The following RPL31 variants were observed in gnomAD, a reference collection of about 807,000 sequenced individuals.
RPL31 encodes the protein ribosomal protein L31.
For missense variants in RPL31, 95 were observed against 164.0 expected (o/e 0.58, Z 2.30); for synonymous variants, 51 against 55.0 (o/e 0.93, Z 0.32).
downstream of RPL31, among the ~76,000 whole-genome samples, chr2:101,009,406 CA>C (rs70943054): frequency 1.7e-3 from 165 of 97,736 alleles, no homozygotes; most frequent in Middle Eastern, 4.6e-3. Context: ...ACTCTGTCTC[CA>C]AAAAAAAAAA....
Position 101,018,219 on chromosome 2 carries a change from C to T in RPL31, c.347-779C>T, listed in dbSNP as rs907005449. 5 of 276,102 alleles carry T rather than the reference C, an allele frequency of 1.8e-5. No homozygotes were observed. In the East Asian group the frequency reaches 3.3e-4, roughly 18 times the overall value. The allele number at this position is 276,102 out of a possible 1,614,324, so 17.1% of individuals were successfully genotyped here. A position where few individuals can be genotyped will look rare whatever the true frequency, so the allele number is the denominator to read the frequency against. On this transcript the variant is annotated intron_variant, in intron 4 of 4. Transcript: ENST00000409028. ...AAATTATAACACTGACTAAACATCA[C>T]TAATGAAACATTTGTGACCTCCTTT...
At chr2:101,011,071 C>T, downstream of RPL31, 1 of 1,577,074 alleles carries the variant, frequency 6.3e-7, no homozygotes. Context: ...TAAATAAATT[C>T]AGTGACAGCA....
At chr2:101,011,664 T>C, downstream of RPL31, 1 of 961,018 alleles carries the variant, frequency 1.0e-6, no homozygotes, top group Non-Finnish European at 1.6e-6. Context: ...CTGTAGTTTT[T>C]GCAGGGTCCA....
chr2:101,017,844 G>T, intron 4 of RPL31: 1 of 1,550,586 alleles, frequency 6.4e-7, no homozygotes, highest in Non-Finnish European at 8.7e-7. Context: ...GCAGCTACAT[G>T]CAATTCCCAA....
chr2:101,007,719 G>T, downstream of RPL31: 1 of 1,232,542 alleles, frequency 8.1e-7, no homozygotes, highest in African/African-American at 1.5e-5. Context: ...ATGCCCCATT[G>T]GTAAGGTAGA....
downstream of RPL31, chr2:101,008,033 G>C: frequency 6.2e-7 from 1 of 1,613,938 alleles, no homozygotes. Flanking sequence ...GGAAATGCCT[G>C]GGAGTCCTGG....
intron 1 of RPL31, 176 bp downstream of exon 1, chr2:101,002,491 C>A: frequency 1.6e-6 from 1 of 606,228 alleles, no homozygotes. Flanking sequence ...AGTGACCAGG[C>A]TTAGGGGAGC....
intron 4 of RPL31, among the ~76,000 whole-genome samples, chr2:101,018,661 C>CA (rs1204506528): frequency 1.3e-5 from 2 of 152,192 alleles, no homozygotes; most frequent in East Asian, 1.9e-4. Flanking sequence ...CCCTGAATCT[C>CA]AGAGTTCGCA....
At chr2:101,005,092 A>C (rs1424308074) in intron 3 of RPL31, 1 of 152,424 alleles carries the variant, frequency 6.6e-6, no homozygotes, top group Non-Finnish European at 1.5e-5. Flanking sequence ...AGGGTGCAGC[A>C]GGAGAGGTGT....
chr2:101,011,564 A>T, downstream of RPL31: 2 of 1,612,774 alleles, frequency 1.2e-6, no homozygotes, highest in Non-Finnish European at 1.7e-6. Flanking sequence ...GAGAGGTTTA[A>T]ATTAAACAAA....
chr2:101,011,910 A>G (rs1679245221), downstream of RPL31, among the ~76,000 whole-genome samples: 1 of 152,216 alleles, frequency 6.6e-6, no homozygotes, highest in African/African-American at 2.4e-5. Flanking sequence ...AATACACTAA[A>G]TCTCTGGGTG....
At chr2:101,017,083 AAAAAAAAG>A (rs201099563) in intron 4 of RPL31, among the ~76,000 whole-genome samples, 28,162 of 151,692 alleles carry the variant, frequency 0.19, 2,788 homozygotes, top group Middle Eastern at 0.32. Flanking sequence ...TTAAAAAAAA[AAAAAAAAG>A]ACAAACACGC....
rs754433567 is a variant in RPL31 at position 101,006,467 on chromosome 2, C to T, written c.*86C>T. On this transcript the variant is annotated 3_prime_UTR_variant, in exon 5 of 5. Transcript: ENST00000264258. ...TTGCAACATAATGTACTTGTATACC[C>T]TATCCTAATTATGGGATCATTTGAA... 2.4e-6 allele frequency: 3 copies of T among 1,258,470 alleles called. No individual in the cohort carries two copies. The highest frequency in any genetic ancestry group is 2.5e-5 in the East Asian group (1 of 40,480). The allele number at this position is 1,258,470 out of a possible 1,614,324, so 78.0% of individuals were successfully genotyped here.
chr2:101,009,666 C>T (rs1007358375), downstream of RPL31, among the ~76,000 whole-genome samples: 5 of 151,954 alleles, frequency 3.3e-5, no homozygotes, highest in Non-Finnish European at 7.4e-5. Flanking sequence ...GCACAGTAGA[C>T]GAGCAGCATT....
chr2:101,017,777 A>G, intron 4 of RPL31: 1 of 1,491,020 alleles, frequency 6.7e-7, no homozygotes, highest in Non-Finnish European at 9.1e-7. Flanking sequence ...TGTTACCAAA[A>G]TCTTGACAAG....
intron 4 of RPL31, among the ~76,000 whole-genome samples, chr2:101,017,506 G>A (rs1679742804): frequency 6.6e-6 from 1 of 152,156 alleles, no homozygotes; most frequent in Non-Finnish European, 1.5e-5. Context: ...TTTCAGTCTC[G>A]CTGTAATCCT....
chr2:101,015,841 AAATG>A (rs1679590379), intron 4 of RPL31, among the ~76,000 whole-genome samples: 1 of 152,176 alleles, frequency 6.6e-6, no homozygotes, highest in Admixed American at 6.5e-5. Context: ...CCTATTTAAT[AAATG>A]GTGTTGGGAA....
chr2:101,004,394 T>TAA, intron 3 of RPL31, 111 bp downstream of exon 3: 38 of 913,498 alleles, frequency 4.2e-5, no homozygotes, highest in South Asian at 9.7e-5. Flanking sequence ...TGTGGAAGTA[T>TAA]AAAAAAAAAA....
At chr2:101,003,890 C>A (rs1167818297) in intron 2 of RPL31, among the ~76,000 whole-genome samples, 1 of 152,090 alleles carries the variant, frequency 6.6e-6, no homozygotes, top group African/African-American at 2.4e-5. Flanking sequence ...AATTGCTGGG[C>A]ATTGCACACT....
Sources: gnomAD v4.1 joint callset for allele counts (sites outside exome capture counted in the v4.1 genomes callset) on GRCh38, gnomAD v4.1.1 for gene constraint, MANE v1.5 for transcripts, NCBI Gene and HGNC (gene_info 2026-07-23, HGNC 2026-07-21) for gene names.